The following HTR1E variants were observed in gnomAD, a reference collection of about 807,000 sequenced individuals.
The protein encoded by HTR1E is 5-HT-1E.
HTR1E carries 3 observed loss-of-function variants against 3.4 expected under a neutral mutation model. The observed-to-expected ratio is 0.89, with a 90% CI of 0.41 to 2.31. The LOEUF (loss-of-function observed/expected upper bound fraction) is 2.31. HTR1E is among the 30% of genes most tolerant of loss of function. The pLI, the probability that HTR1E is intolerant of heterozygous loss-of-function variation, is 0.05. For missense variants in HTR1E, 392 were observed against 467.0 expected, an observed-to-expected ratio of 0.84 and a Z score of 1.48; for synonymous variants, 170 against 182.8, an observed-to-expected ratio of 0.93 and a Z score of 0.56.
At chr6:86,946,020 T>G (rs1562058189) in intron 1 of HTR1E, among the ~76,000 whole-genome samples, 1 of 152,228 alleles carries the variant, frequency 6.6e-6, no homozygotes, top group Admixed American at 6.5e-5. Flanking sequence ...ATTACAGGCA[T>G]GAGCCACCAC....
At chr6:86,995,668 AAAAAAAAAAAAAAAAAAAAG>A (rs1767929055) in intron 1 of HTR1E, among the ~76,000 whole-genome samples, 25 of 66,224 alleles carry the variant, frequency 3.8e-4, no homozygotes, top group African/African-American at 1.1e-3. Context: ...TCCATCTCAA[AAAAAAAAAAAAAAAAAAAAG>A]AAAAAAAAAA....
intron 1 of HTR1E, among the ~76,000 whole-genome samples, chr6:87,004,407 G>A (rs971142880): frequency 1.4e-4 from 21 of 152,088 alleles, no homozygotes; most frequent in Admixed American, 1.3e-3. Flanking sequence ...TGACTAAGTG[G>A]GATTTATCCC....
At chr6:86,950,391 G>A (rs1295122886) in intron 1 of HTR1E, among the ~76,000 whole-genome samples, 2 of 152,166 alleles carry the variant, frequency 1.3e-5, no homozygotes, top group African/African-American at 4.8e-5. Flanking sequence ...CGGAAGGAAT[G>A]ACAGTGTGGT....
At chr6:86,993,348 C>T (rs1277096064) in intron 1 of HTR1E, among the ~76,000 whole-genome samples, 1 of 151,928 alleles carries the variant, frequency 6.6e-6, no homozygotes, top group Non-Finnish European at 1.5e-5. Flanking sequence ...ATAACCAATG[C>T]ATTGTGAAAT....
rs192209151 is a variant in HTR1E, at chr6:86,958,599, T to C, written c.-186+20776T>C. Among the ~76,000 whole-genome samples the C allele has an allele frequency of 4.5e-4, 68 of 152,278 alleles. 1 individual carries two copies. The East Asian group carries it at 7.9e-3, about 18-fold the overall frequency. The stretch of plus-strand genomic sequence containing the variant: ...CCAGTGTCTAGAGGAGAATCGAGCA[T>C]TGAGTAGATGCTCAACAAATATTTG... On this transcript the variant is annotated intron_variant, in intron 1 of 1. Transcript: ENST00000305344.
intron 1 of HTR1E, among the ~76,000 whole-genome samples, chr6:86,973,727 C>G (rs1767592619): frequency 2.0e-5 from 3 of 152,100 alleles, no homozygotes; most frequent in Non-Finnish European, 4.4e-5. Context: ...GCCAACAGAC[C>G]ACTGCAAACA....
Position 86,978,741 on chromosome 6 carries a change from G to A in HTR1E, c.-185-36409G>A, listed in dbSNP as rs372223615. On this transcript the variant is annotated intron_variant, in intron 1 of 1. Coordinates refer to ENST00000305344, the MANE Select transcript of HTR1E (RefSeq NM_000865.3). ...CCAACTTTGAGGTGCTGGTGAAAGT[G>A]TTTCTGCAGGTTAGGCCTTCACAGC... Among the ~76,000 whole-genome samples, 272 of 152,332 alleles carry A rather than the reference G, an allele frequency of 1.8e-3. 12 individuals carry two copies. In the South Asian group the frequency reaches 0.051, roughly 29 times the overall value.
At chr6:86,941,729 T>C (rs937866383) in intron 1 of HTR1E, among the ~76,000 whole-genome samples, 8 of 152,174 alleles carry the variant, frequency 5.3e-5, no homozygotes, top group African/African-American at 1.7e-4. Context: ...AAGCATTTTA[T>C]AGCAAGAAGA....
chr6:86,958,823 A>G (rs1446423636), intron 1 of HTR1E, among the ~76,000 whole-genome samples: 1 of 152,188 alleles, frequency 6.6e-6, no homozygotes, highest in Non-Finnish European at 1.5e-5. Context: ...GGAAGATCCT[A>G]GCAGCCCCAG....
intron 1 of HTR1E, among the ~76,000 whole-genome samples, chr6:87,009,773 GC>G (rs1306950003): frequency 7.4e-6 from 1 of 134,566 alleles, no homozygotes; most frequent in African/African-American, 3.1e-5. Context: ...GGCTGGCCGG[GC>G]AGGGGGGCTG....
At chr6:86,954,969 T>C (rs914603927) in intron 1 of HTR1E, among the ~76,000 whole-genome samples, 2 of 152,152 alleles carry the variant, frequency 1.3e-5, no homozygotes, top group Admixed American at 1.3e-4. Context: ...AAAGAACCCA[T>C]TGTACCCCAG....
intron 1 of HTR1E, among the ~76,000 whole-genome samples, chr6:86,995,009 A>T (rs1767916070): frequency 6.6e-6 from 1 of 152,174 alleles, no homozygotes; most frequent in South Asian, 2.1e-4. Context: ...GTAAATTATG[A>T]TGAATTCCCT....
chr6:87,009,478 G>A (rs911280052), intron 1 of HTR1E, among the ~76,000 whole-genome samples: 1 of 151,676 alleles, frequency 6.6e-6, no homozygotes, highest in Non-Finnish European at 1.5e-5. Flanking sequence ...CACAGACACG[G>A]CAACCATCCG....
intron 1 of HTR1E, among the ~76,000 whole-genome samples, chr6:86,943,741 G>A (rs1768577977): frequency 6.6e-6 from 1 of 151,580 alleles, no homozygotes; most frequent in Non-Finnish European, 1.5e-5. Flanking sequence ...ATTTGTTGGG[G>A]CTCACATAAC....
intron 1 of HTR1E, among the ~76,000 whole-genome samples, chr6:86,966,676 T>G (rs1767475919): frequency 6.6e-6 from 1 of 152,100 alleles, no homozygotes; most frequent in Non-Finnish European, 1.5e-5. Flanking sequence ...GACATGTGTT[T>G]GTTGGGGACT....
intron 1 of HTR1E, among the ~76,000 whole-genome samples, chr6:86,985,438 A>G (rs1004460722): frequency 1.3e-5 from 2 of 152,176 alleles, no homozygotes; most frequent in African/African-American, 2.4e-5. Flanking sequence ...TTTTTATAAT[A>G]TCCTAGCCCT....
At chr6:86,946,172 A>G (rs1198829742) in intron 1 of HTR1E, among the ~76,000 whole-genome samples, 1 of 152,232 alleles carries the variant, frequency 6.6e-6, no homozygotes, top group Non-Finnish European at 1.5e-5. Flanking sequence ...AGTAGTGTAC[A>G]GTAATGTACT....
chr6:86,944,700 A>T (rs1351025824), intron 1 of HTR1E, among the ~76,000 whole-genome samples: 10 of 152,218 alleles, frequency 6.6e-5, no homozygotes, highest in Admixed American at 1.3e-4. Context: ...TAGATAATAG[A>T]CAGCCATGCA....
At chr6:86,966,436 T>C (rs1374053222) in intron 1 of HTR1E, among the ~76,000 whole-genome samples, 5 of 152,204 alleles carry the variant, frequency 3.3e-5, no homozygotes, top group Non-Finnish European at 1.5e-5. Flanking sequence ...TGAGCCAAAG[T>C]GGACAGATGG....
Sources: gnomAD v4.1 joint callset for allele counts (sites outside exome capture counted in the v4.1 genomes callset) on GRCh38, gnomAD v4.1.1 for gene constraint, MANE v1.5 for transcripts, NCBI Gene and HGNC (gene_info 2026-07-23, HGNC 2026-07-21) for gene names.